Variants in BRCA2 observed in about 807,000 individuals in gnomAD.
BRCA2 encodes BRCA2 DNA repair associated.
A neutral mutation model predicts 276.7 loss-of-function variants in BRCA2; 203 were observed. That is an observed-to-expected ratio of 0.73 (90% CI 0.65 to 0.82). The LOEUF is 0.82. Ranked by LOEUF, BRCA2 falls within the 40% of genes least tolerant of loss-of-function variation. The probability of loss-of-function intolerance (pLI) is 0.00; values close to 1 mark genes in which losing one functional copy is unlikely to be tolerated. For synonymous variants in BRCA2, 1,289 were observed against 1,338.4 expected, an observed-to-expected ratio of 0.96 and a Z score of 0.81; for missense variants, 3,920 against 3,915.0, an observed-to-expected ratio of 1.00 and a Z score of -0.03.
chr13:32,340,754 A>G lies in BRCA2; in HGVS notation c.6399A>G (p.Ser2133=), dbSNP rs1593908503. Residue 2133 remains serine (S), a synonymous_variant, in exon 11 of 27, where the codon TCA becomes TCG. Transcript: ENST00000380152. ...CCTGCAGTAAAGAATTTAAATTATCAAATAACTTAAATGTTGAAGGTGGTT... is the reference window on the plus strand; with the variant it reads ...CCTGCAGTAAAGAATTTAAATTATCGAATAACTTAAATGTTGAAGGTGGTT... ...EKTCSKEFKL[S]NNLNVEGGSS... is the part of the protein sequence containing the mutation. 6.2e-7 allele frequency: 1 copy of G among 1,604,648 alleles called. No homozygotes were observed. Among genetic ancestry groups the G allele is most frequent in the Non-Finnish European group, 8.5e-7 (1 of 1,176,956 alleles).
intron 12 of BRCA2, 75 bp downstream of exon 12, chr13:32,344,728 C>A: frequency 9.5e-7 from 1 of 1,048,580 alleles, no homozygotes; most frequent in Non-Finnish European, 1.5e-6. Flanking sequence ...TCAGGTGATC[C>A]ACCTGCCTCT....
In BRCA2 at chr13:32,339,800, T is replaced by C. The variant is rs878853589; in HGVS notation, c.5445T>C (p.Thr1815=). Residue 1815 remains threonine (T), a synonymous_variant, in exon 11 of 27, where the codon ACT becomes ACC. Transcript: ENST00000380152. Reference sequence around the variant, plus strand: ...ATATTTGCGTTGAGGAACTTGTGACTAGCTCTTCACCCTGCAAAAATAAAA... The same window carrying C: ...ATATTTGCGTTGAGGAACTTGTGACCAGCTCTTCACCCTGCAAAAATAAAA... ...NEDICVEELV[T]SSSPCKNKNA... 1.2e-6 allele frequency: 2 copies of C among 1,613,726 alleles called. No homozygotes were observed. The highest frequency in any genetic ancestry group is 2.7e-5 in the African/African-American group (2 of 74,926).
intron 16 of BRCA2, among the ~76,000 whole-genome samples, chr13:32,358,987 T>C (rs1432951297): frequency 6.7e-6 from 1 of 149,880 alleles, no homozygotes; most frequent in Non-Finnish European, 1.5e-5. Flanking sequence ...TTTGGGAGGT[T>C]GAGGTGGGCA....
chr13:32,337,457 T>G lies in BRCA2; in HGVS notation c.3102T>G (p.Ile1034Met). Reference protein sequence around the residue: ...IKKSKMFFKDIEEQYPTSLAC... With the variant: ...IKKSKMFFKDMEEQYPTSLAC... ...AGAGCAAAATGTTCTTCAAAGATAT[T>G]GAAGAACAATATCCTACTAGTTTAG... is the stretch of plus-strand genomic sequence containing the variant. The change falls in exon 11 of 27, where the codon ATT becomes ATG. Residue 1034 changes from isoleucine to methionine, a missense_variant. Physicochemically the swap from Ile to Met is conservative, Grantham distance 10 (BLOSUM62 1). This residue lies in a region of BRCA2 where 3,263 missense variants were observed against 3,156.9 expected (regional missense o/e 1.03). Transcript: ENST00000380152. 2 of 1,612,754 alleles carry G rather than the reference T, an allele frequency of 1.2e-6. No individual in the cohort carries two copies. The highest frequency in any genetic ancestry group is 1.7e-6 in the Non-Finnish European group (2 of 1,179,320).
At chr13:32,375,029 C>G (rs1234004112) in intron 20 of BRCA2, among the ~76,000 whole-genome samples, 1 of 152,214 alleles carries the variant, frequency 6.6e-6, no homozygotes, top group East Asian at 1.9e-4. Context: ...AAGCAAGTAC[C>G]TTCTTCACAA....
intron 15 of BRCA2, among the ~76,000 whole-genome samples, 185 bp from the exon 16 acceptor site, chr13:32,357,557 T>A (rs1249653991): frequency 1.3e-5 from 2 of 152,228 alleles, no homozygotes; most frequent in Non-Finnish European, 2.9e-5. Flanking sequence ...AATGTATGGA[T>A]CATTTATATT....
Position 32,339,353 on chromosome 13 carries a change from T to C in BRCA2, c.4998T>C (p.Asn1666=), listed in dbSNP as rs2137512594. The change falls in exon 11 of 27, where the codon AAT becomes AAC. Residue 1666 remains asparagine, a synonymous_variant. Transcript: ENST00000380152. Reference sequence around the variant, plus strand: ...AGTCCCCTTATTCAGTCATTGAAAATTCAGCCTTAGCTTTTTACACAAGTT... The same window carrying C: ...AGTCCCCTTATTCAGTCATTGAAAACTCAGCCTTAGCTTTTTACACAAGTT... The part of the protein sequence containing the change: ...TNQSPYSVIE[N]SALAFYTSCS... 1 of 1,589,798 alleles carries C rather than the reference T, an allele frequency of 6.3e-7. No individual in the cohort carries two copies. The highest frequency in any genetic ancestry group is 8.5e-7 in the Non-Finnish European group (1 of 1,169,816).
intron 10 of BRCA2, among the ~76,000 whole-genome samples, chr13:32,334,075 G>C (rs893126750): frequency 6.6e-6 from 1 of 152,192 alleles, no homozygotes; most frequent in Non-Finnish European, 1.5e-5. Context: ...GTGCTGCAGT[G>C]AATGTACAGG....
rs1593930245 is a variant in BRCA2, at chr13:32,370,455, T to C, written c.8385T>C (p.Phe2795=). ...GCTGGTATACCAAACTTGGATTCTT[T>C]CCTGACCCTAGACCTTTTCCTCTGC... ...PARWYTKLGF[F]PDPRPFPLPL... The change falls in exon 19 of 27, where the codon TTT becomes TTC. Residue 2795 remains phenylalanine (F), a synonymous_variant. Transcript: ENST00000380152. 1.9e-6 allele frequency: 3 copies of C among 1,614,060 alleles called. No homozygotes were observed. Among genetic ancestry groups the C allele is most frequent in the Non-Finnish European group, 2.5e-6 (3 of 1,179,912 alleles).
chr13:32,394,828 A>G lies in BRCA2; in HGVS notation c.9396A>G (p.Lys3132=), dbSNP rs201172050. ...ASNLQWRPES[K]SGLLTLFAGD... ...ACCTCCAGTGGCGACCAGAATCCAA[A>G]TCAGGCCTTCTTACTTTATTTGCTG... The change falls in exon 25 of 27, where the codon AAA becomes AAG. Residue 3132 remains lysine, a synonymous_variant. Transcript: ENST00000380152. 1.5e-5 allele frequency: 25 copies of G among 1,614,148 alleles called. No homozygotes were observed. Among genetic ancestry groups the G allele is most frequent in the Middle Eastern group, 3.3e-4 (2 of 6,062 alleles).
intron 8 of BRCA2, 147 bp from the exon 9 acceptor site, chr13:32,330,772 C>G (rs1319750125): frequency 1.6e-6 from 1 of 606,904 alleles, no homozygotes; most frequent in Non-Finnish European, 2.9e-6. Context: ...TTGCTTACTT[C>G]TGGAATTTTC....
intron 1 of BRCA2, 59 bp from the exon 2 acceptor site, chr13:32,316,363 C>A: frequency 1.9e-6 from 2 of 1,072,546 alleles, no homozygotes; most frequent in Non-Finnish European, 2.9e-6. Context: ...AGTTTTACCT[C>A]AGTCACATAA....
chr13:32,379,254 T>TTA, intron 21 of BRCA2, 63 bp from the exon 22 acceptor site: 9 of 1,546,008 alleles, frequency 5.8e-6, no homozygotes, highest in Non-Finnish European at 7.1e-6. Context: ...AGCCATCTAG[T>TTA]TACAATAGAT....
Position 32,338,285 on chromosome 13 carries a change from T to C in BRCA2, c.3930T>C (p.Thr1310=), listed in dbSNP as rs786201722. 1 of 1,571,536 alleles carries C rather than the reference T, an allele frequency of 6.4e-7. No individual in the cohort carries two copies. Among genetic ancestry groups the C allele is most frequent in the African/African-American group, 1.4e-5 (1 of 73,062 alleles). The change falls in exon 11 of 27, where the codon ACT becomes ACC. Residue 1310 remains threonine (T), a synonymous_variant. Coordinates refer to ENST00000380152, the MANE Select transcript of BRCA2 (RefSeq NM_000059.4). ...MTTGTFVEEI[T]ENYKRNTENE... ...CTGGCACTTTTGTTGAAGAAATTACTGAAAATTACAAGAGAAATACTGAAA... is the reference window on the plus strand; with the variant it reads ...CTGGCACTTTTGTTGAAGAAATTACCGAAAATTACAAGAGAAATACTGAAA...
At chr13:32,346,622 A>G (rs1023303697) in intron 12 of BRCA2, among the ~76,000 whole-genome samples, 2 of 152,114 alleles carry the variant, frequency 1.3e-5, no homozygotes, top group South Asian at 4.1e-4. Context: ...TTTCTGTTGT[A>G]TGCTTGTACT....
At chr13:32,392,969 T>C (rs1863340023) in intron 24 of BRCA2, among the ~76,000 whole-genome samples, 1 of 152,208 alleles carries the variant, frequency 6.6e-6, no homozygotes, top group Non-Finnish European at 1.5e-5. Context: ...AATAGACTGA[T>C]CAATTATTTT....
At position 32,336,595 on chromosome 13, in the gene BRCA2, A is replaced by G. The variant is rs397507283; in HGVS notation, c.2240A>G (p.Glu747Gly). Residue 747 changes from glutamate (E) to glycine (G), a missense_variant, in exon 11 of 27, where the codon GAA becomes GGA. By Grantham distance (98) the Glu-to-Gly change is moderately conservative (BLOSUM62 -2). This residue lies in a region of BRCA2 where 3,263 missense variants were observed against 3,156.9 expected (regional missense o/e 1.03). Transcript: ENST00000380152. ...CACCCAGTACAACATTCAAAAGTGG[A>G]ATACAGTGATACTGACTTTCAATCC... ...ACHPVQHSKV[E>G]YSDTDFQSQK... 3.1e-5 allele frequency: 50 copies of G among 1,613,998 alleles called. No homozygotes were observed. The South Asian group carries it at 4.8e-4, about 16-fold the overall frequency.
At chr13:32,379,565 G>T (rs1405563328) in intron 22 of BRCA2, 50 bp downstream of exon 22, 1 of 1,584,166 alleles carries the variant, frequency 6.3e-7, no homozygotes, top group South Asian at 1.1e-5. Flanking sequence ...CTTAAAAAAT[G>T]ACCTTACTAA....
intron 13 of BRCA2, among the ~76,000 whole-genome samples, chr13:32,351,389 G>T (rs1413744593): frequency 6.6e-6 from 1 of 152,146 alleles, no homozygotes; most frequent in African/African-American, 2.4e-5. Context: ...CCAGAAAGAA[G>T]AAACTCTGGA....
Sources: allele counts gnomAD v4.1 joint callset (sites outside exome capture counted in the v4.1 genomes callset), GRCh38; gene constraint gnomAD v4.1.1; regional missense constraint gnomAD v4.1.1; transcripts MANE v1.5; gene names NCBI Gene and HGNC (gene_info 2026-07-23, HGNC 2026-07-21).